Variants in MYO16 observed in about 807,000 individuals in gnomAD.
The protein encoded by MYO16 is unconventional myosin-XVI.
A neutral mutation model predicts 205.3 loss-of-function variants in MYO16; 94 were observed. The observed-to-expected ratio is 0.46, with a 90% CI of 0.39 to 0.54. MYO16 has a LOEUF of 0.54. MYO16 is among the 20% of genes least tolerant of loss of function. MYO16 has a pLI of 0.00. For missense variants in MYO16, 2,315 were observed against 2,387.5 expected, an observed-to-expected ratio of 0.97 and a Z score of 0.63; for synonymous variants, 988 against 954.0, an observed-to-expected ratio of 1.04 and a Z score of -0.66.
chr13:108,635,555 C>T (rs1880185969), intron 1 of MYO16, among the ~76,000 whole-genome samples: 1 of 150,976 alleles, frequency 6.6e-6, no homozygotes, highest in Admixed American at 6.6e-5. Context: ...GGCTGGAGTG[C>T]AGTGGCATGA....
intron 32 of MYO16, among the ~76,000 whole-genome samples, chr13:109,151,546 T>G (rs1028339814): frequency 6.6e-6 from 1 of 152,192 alleles, no homozygotes; most frequent in Non-Finnish European, 1.5e-5. Context: ...GTGCATTACC[T>G]GAAGTCCTAA....
intron 22 of MYO16, among the ~76,000 whole-genome samples, chr13:109,017,521 G>A (rs1012112060): frequency 6.6e-5 from 10 of 152,124 alleles, no homozygotes; most frequent in South Asian, 4.1e-4. Context: ...TGCCTTGCTC[G>A]GTTGGGGAAG....
intron 15 of MYO16, among the ~76,000 whole-genome samples, chr13:108,898,952 T>C (rs1354940947): frequency 1.3e-5 from 2 of 152,332 alleles, no homozygotes; most frequent in East Asian, 1.9e-4. Flanking sequence ...TTGCCAATTA[T>C]TATAAATGAT....
the MYO16 span, among the ~76,000 whole-genome samples, chr13:108,563,583 C>G: frequency 6.6e-6 from 1 of 152,146 alleles, no homozygotes. Context: ...TCAGTTAGAA[C>G]ATTTGATGCT....
At chr13:108,921,062 G>T (rs1213387429) in intron 16 of MYO16, among the ~76,000 whole-genome samples, 1 of 152,204 alleles carries the variant, frequency 6.6e-6, no homozygotes, top group South Asian at 2.1e-4. Flanking sequence ...CTGCCCATGT[G>T]GCTGTAGCAA....
chr13:109,157,621 C>T (rs1443342273), intron 32 of MYO16, among the ~76,000 whole-genome samples: 1 of 152,194 alleles, frequency 6.6e-6, no homozygotes, highest in Non-Finnish European at 1.5e-5. Context: ...TAACACATGC[C>T]TTGAAGGCAC....
chr13:108,866,331 G>GT, intron 12 of MYO16, 89 bp downstream of exon 12: 1 of 688,048 alleles, frequency 1.5e-6, no homozygotes, highest in Non-Finnish European at 2.2e-6. Flanking sequence ...AAAAAAACAG[G>GT]CAAACTTCTA....
chr13:108,870,247 C>T (rs975601632), intron 12 of MYO16, among the ~76,000 whole-genome samples: 1 of 151,714 alleles, frequency 6.6e-6, no homozygotes, highest in Non-Finnish European at 1.5e-5. Context: ...TTAAACCTAC[C>T]TTACATTTTG....
chr13:108,714,218 G>C (rs1883842491), intron 3 of MYO16, among the ~76,000 whole-genome samples: 1 of 152,090 alleles, frequency 6.6e-6, no homozygotes, highest in Admixed American at 6.5e-5. Flanking sequence ...ATCACGCCCA[G>C]CGAATTTTTT....
chr13:108,866,258 T>C lies in MYO16; in HGVS notation c.1425+16T>C, dbSNP rs1878710805. 6.6e-7 allele frequency: 1 copy of C among 1,518,018 alleles called. No individual in the cohort carries two copies. Among genetic ancestry groups the C allele is most frequent in the East Asian group, 2.3e-5 (1 of 43,996 alleles). The allele number at this position is 1,518,018 out of a possible 1,614,324, so 94.0% of individuals were successfully genotyped here. On this transcript the variant is annotated intron_variant, in intron 12 of 34. Transcript: ENST00000457511. ...TTCTTCCATGGTGAGCACAAAATTT[T>C]AAATATCATTGAATAATGTAGAGTA... is the stretch of plus-strand genomic sequence containing the variant.
chr13:108,932,112 T>C (rs953483401), intron 16 of MYO16, among the ~76,000 whole-genome samples: 2 of 152,250 alleles, frequency 1.3e-5, no homozygotes, highest in East Asian at 1.9e-4. Flanking sequence ...ATGCATTGCA[T>C]TTTAATTTCA....
intron 16 of MYO16, among the ~76,000 whole-genome samples, chr13:108,944,299 A>G (rs1882850879): frequency 6.6e-6 from 1 of 152,246 alleles, no homozygotes; most frequent in South Asian, 2.1e-4. Context: ...AATTAAAGAA[A>G]GTAGCCCACC....
rs553242991 is a variant in MYO16 at position 108,793,764 on chromosome 13, T to C, written c.741+124T>C. On this transcript the variant is annotated intron_variant, in intron 6 of 34. Transcript: ENST00000457511. ...TGATCATAAAGTAATACATGTCAAT[T>C]GTAGAAGTTTTGGAAAACACCTAAG... The C allele has an allele frequency of 1.8e-5, 21 of 1,160,692 alleles. No homozygotes were observed. The South Asian group carries it at 2.1e-4, about 12-fold the overall frequency. 71.9% of individuals were successfully genotyped at this position (1,160,692 alleles called of 1,614,324 possible). A position where few individuals can be genotyped will look rare whatever the true frequency, so the allele number is the denominator to read the frequency against.
upstream of MYO16, among the ~76,000 whole-genome samples, chr13:108,628,362 G>T (rs533542894): frequency 1.1e-3 from 173 of 152,180 alleles, 1 homozygote; most frequent in South Asian, 2.1e-3. Context: ...ACATACATAA[G>T]TTTTTTTCCT....
intron 32 of MYO16, among the ~76,000 whole-genome samples, chr13:109,142,043 G>A (rs563774476): frequency 6.6e-6 from 1 of 152,334 alleles, no homozygotes; most frequent in South Asian, 2.1e-4. Flanking sequence ...TCCATGACAG[G>A]CTGTTGCCTG....
intron 4 of MYO16, among the ~76,000 whole-genome samples, chr13:108,770,945 G>A (rs1002448469): frequency 3.9e-5 from 6 of 152,216 alleles, no homozygotes; most frequent in African/African-American, 1.4e-4. Flanking sequence ...TGGAAATGAT[G>A]AGGTTGGAAA....
intron 34 of MYO16, among the ~76,000 whole-genome samples, chr13:109,188,954 C>T (rs929059752): frequency 6.6e-6 from 1 of 151,956 alleles, no homozygotes; most frequent in Non-Finnish European, 1.5e-5. Context: ...GTTAGCTGGG[C>T]GTGGTGGTGC....
chr13:108,989,498 A>G (rs1884748411), intron 20 of MYO16, among the ~76,000 whole-genome samples: 1 of 152,172 alleles, frequency 6.6e-6, no homozygotes, highest in African/African-American at 2.4e-5. Context: ...TTTATACAGA[A>G]TTTATATATT....
chr13:108,581,905 A>G, the MYO16 span, among the ~76,000 whole-genome samples: 1 of 150,514 alleles, frequency 6.6e-6, no homozygotes, highest in African/African-American at 2.5e-5. Context: ...AAAAAAAAAA[A>G]GAAAAAGAAA....
Sources: gnomAD v4.1 joint callset for allele counts (sites outside exome capture counted in the v4.1 genomes callset) on GRCh38, gnomAD v4.1.1 for gene constraint, MANE v1.5 for transcripts, NCBI Gene and HGNC (gene_info 2026-07-23, HGNC 2026-07-21) for gene names.